SUGCT: variants seen among roughly 807,000 people sequenced by gnomAD.
SUGCT encodes the protein succinyl-CoA:glutarate CoA-transferase.
Under a neutral mutation model 55.0 loss-of-function variants are expected in SUGCT, and 41 were observed. The ratio of observed to expected loss-of-function variants is 0.74; its 90% CI spans 0.58 to 0.97. SUGCT has a LOEUF of 0.97. Among genes scored for constraint, SUGCT ranks in the 50% least tolerant of loss-of-function variants. The pLI is 0.00. For missense variants in SUGCT, 568 were observed against 547.8 expected (o/e 1.04, Z -0.37); for synonymous variants, 187 against 200.4 (o/e 0.93, Z 0.56).
At chr7:40,173,785 G>T (rs907790818) in intron 1 of SUGCT, among the ~76,000 whole-genome samples, 1 of 151,228 alleles carries the variant, frequency 6.6e-6, no homozygotes, top group Non-Finnish European at 1.5e-5. Context: ...GTATACATCT[G>T]TCAAAATTTA....
intron 13 of SUGCT, among the ~76,000 whole-genome samples, chr7:40,842,389 TCCTG>T (rs1334677414): frequency 3.3e-5 from 5 of 152,178 alleles, no homozygotes; most frequent in Admixed American, 6.5e-5. Flanking sequence ...GACAGTGTTT[TCCTG>T]ACTCATTTTG....
At chr7:40,561,688 C>CT (rs777766517) in intron 12 of SUGCT, among the ~76,000 whole-genome samples, 2,716 of 100,134 alleles carry the variant, frequency 0.027, 176 homozygotes, top group African/African-American at 0.079. Flanking sequence ...TAAGCCGAGT[C>CT]TTTTTTTTTT....
At chr7:40,952,785 C>T in the SUGCT span, among the ~76,000 whole-genome samples, 1 of 152,222 alleles carries the variant, frequency 6.6e-6, no homozygotes, top group Admixed American at 6.5e-5. Context: ...TTGGCCCCCA[C>T]TCTCTTCTGG....
intron 6 of SUGCT, among the ~76,000 whole-genome samples, chr7:40,197,895 C>G (rs1233724417): frequency 6.6e-6 from 1 of 152,180 alleles, no homozygotes; most frequent in African/African-American, 2.4e-5. Flanking sequence ...ACATTTATAA[C>G]TAACTGGTTA....
intron 9 of SUGCT, among the ~76,000 whole-genome samples, chr7:40,443,946 G>C (rs1196770865): frequency 6.6e-6 from 1 of 152,160 alleles, no homozygotes; most frequent in African/African-American, 2.4e-5. Flanking sequence ...CATATGGCTA[G>C]CCAGTTTTCC....
intron 12 of SUGCT, among the ~76,000 whole-genome samples, chr7:40,646,878 G>A (rs1800543246): frequency 6.6e-6 from 1 of 152,054 alleles, no homozygotes; most frequent in Non-Finnish European, 1.5e-5. Context: ...TAAGTACAGG[G>A]CCTCCCACTC....
At chr7:40,648,246 T>G (rs911644710) in intron 12 of SUGCT, among the ~76,000 whole-genome samples, 30 of 152,212 alleles carry the variant, frequency 2.0e-4, no homozygotes. Context: ...TAGCAGTCAT[T>G]ATATCTTTTT....
intron 9 of SUGCT, among the ~76,000 whole-genome samples, chr7:40,352,850 C>T (rs1797704643): frequency 6.6e-6 from 1 of 152,120 alleles, no homozygotes; most frequent in African/African-American, 2.4e-5. Context: ...TGAGAAATTG[C>T]CAAACTGCTT....
intron 13 of SUGCT, among the ~76,000 whole-genome samples, chr7:40,834,777 G>A (rs7809981): frequency 6.6e-6 from 1 of 151,916 alleles, no homozygotes; most frequent in Non-Finnish European, 1.5e-5. Context: ...TCTTTTAACC[G>A]GCAAAAGAAT....
At chr7:40,416,934 A>T (rs1013249409) in intron 9 of SUGCT, among the ~76,000 whole-genome samples, 8 of 151,990 alleles carry the variant, frequency 5.3e-5, no homozygotes, top group Non-Finnish European at 1.0e-4. Flanking sequence ...AATCTACATT[A>T]TTAGTGGTTT....
intron 12 of SUGCT, among the ~76,000 whole-genome samples, chr7:40,579,292 A>C (rs1796948961): frequency 6.6e-6 from 1 of 152,088 alleles, no homozygotes; most frequent in South Asian, 2.1e-4. Flanking sequence ...GAACTTAGTG[A>C]TCTATAGAAA....
chr7:40,390,753 T>A (rs1785381676), intron 9 of SUGCT, among the ~76,000 whole-genome samples: 1 of 152,162 alleles, frequency 6.6e-6, no homozygotes, highest in Non-Finnish European at 1.5e-5. Flanking sequence ...AAGCTACCAA[T>A]GACTTTCTTC....
intron 13 of SUGCT, among the ~76,000 whole-genome samples, chr7:40,803,208 A>G (rs571936173): frequency 6.6e-6 from 1 of 152,304 alleles, no homozygotes; most frequent in African/African-American, 2.4e-5. Context: ...GTCTTATGCA[A>G]TGTAATAAAA....
chr7:40,843,035 A>G (rs1227484357), intron 13 of SUGCT, among the ~76,000 whole-genome samples: 2 of 152,202 alleles, frequency 1.3e-5, no homozygotes, highest in East Asian at 1.9e-4. Context: ...GTTAAACTCA[A>G]TCAGTCCCTC....
chr7:41,008,578 G>C, the SUGCT span, among the ~76,000 whole-genome samples: 1 of 151,948 alleles, frequency 6.6e-6, no homozygotes, highest in East Asian at 1.9e-4. Flanking sequence ...CACAGCTTGC[G>C]TGTTCCTCTC....
chr7:40,565,131 G>A (rs995609504), intron 12 of SUGCT, among the ~76,000 whole-genome samples: 5 of 152,158 alleles, frequency 3.3e-5, no homozygotes, highest in African/African-American at 1.2e-4. Context: ...TGAAAAATAG[G>A]CAGAATTCAG....
intron 9 of SUGCT, among the ~76,000 whole-genome samples, chr7:40,372,149 C>T (rs2151256467): frequency 6.6e-6 from 1 of 151,690 alleles, no homozygotes; most frequent in East Asian, 1.9e-4. Context: ...TGACGCTCTT[C>T]CTGTATTCTT....
the SUGCT span, among the ~76,000 whole-genome samples, chr7:41,028,263 T>A: frequency 3.3e-5 from 5 of 152,246 alleles, no homozygotes; most frequent in African/African-American, 1.2e-4. Flanking sequence ...CTGGATATGT[T>A]GAGAAAACTA....
At chr7:40,417,204 A>G (rs1010773600) in intron 9 of SUGCT, among the ~76,000 whole-genome samples, 2 of 151,912 alleles carry the variant, frequency 1.3e-5, no homozygotes, top group African/African-American at 4.8e-5. Context: ...TTCTTAGATC[A>G]TACATTTCAG....
Sources: allele counts gnomAD v4.1 joint callset (sites outside exome capture counted in the v4.1 genomes callset), GRCh38; gene constraint gnomAD v4.1.1; transcripts MANE v1.5; gene names NCBI Gene and HGNC (gene_info 2026-07-23, HGNC 2026-07-21).